Variants in FGF12 observed in about 807,000 individuals in gnomAD.
FGF12 encodes fibroblast growth factor 12.
Under a neutral mutation model 23.6 loss-of-function variants are expected in FGF12, and 14 were observed. The observed-to-expected ratio is 0.59, with a 90% CI of 0.39 to 0.93. The LOEUF (loss-of-function observed/expected upper bound fraction) is 0.93. Among genes scored for constraint, FGF12 ranks in the 40% least tolerant of loss-of-function variants. The pLI, the probability that FGF12 is intolerant of heterozygous loss-of-function variation, is 0.00. For synonymous variants in FGF12, 62 were observed against 77.3 expected, an observed-to-expected ratio of 0.80 and a Z score of 1.04; for missense variants, 175 against 217.8, an observed-to-expected ratio of 0.80 and a Z score of 1.24.
intron 2 of FGF12, among the ~76,000 whole-genome samples, chr3:192,425,791 T>C (rs906794831): frequency 1.1e-4 from 17 of 152,242 alleles, no homozygotes; most frequent in African/African-American, 4.1e-4. Flanking sequence ...AGTCATGTAC[T>C]ATTGTAGCTT....
chr3:192,408,083 C>T lies in FGF12; in HGVS notation c.14-47545G>A. On this transcript the variant is annotated intron_variant, in intron 2 of 5. Coordinates refer to ENST00000445105, the MANE Select transcript of FGF12 (RefSeq NM_004113.6). This position sits in a 1 kb window ranked among gnomAD's most constrained non-coding sequence, Gnocchi z 7.3. ...TGCAGAAGCGCACTTTGCTGAACAC[C>T]CCGAGGACGTGCCTCTCGCACAGGG... The T allele has an allele frequency of 3.7e-6, 6 of 1,613,200 alleles. No homozygotes were observed. The highest frequency in any genetic ancestry group is 5.1e-6 in the Non-Finnish European group (6 of 1,180,020).
chr3:192,297,249 T>C (rs1351505625), intron 4 of FGF12, among the ~76,000 whole-genome samples: 2 of 152,198 alleles, frequency 1.3e-5, no homozygotes, highest in South Asian at 4.1e-4. Flanking sequence ...GGAAATATGC[T>C]ATGAAGCAAA....
chr3:192,455,558 G>T (rs1722655768), intron 2 of FGF12, among the ~76,000 whole-genome samples: 1 of 152,138 alleles, frequency 6.6e-6, no homozygotes, highest in Non-Finnish European at 1.5e-5. Context: ...ACAGTTTATT[G>T]TGTTTATGGG....
At chr3:192,480,073 C>T (rs1481520439) in intron 2 of FGF12, among the ~76,000 whole-genome samples, 2 of 152,034 alleles carry the variant, frequency 1.3e-5, no homozygotes, top group African/African-American at 4.8e-5. Flanking sequence ...GACATCAGTG[C>T]TCTGGGAATA....
At chr3:192,324,636 A>T (rs1484312395) in intron 4 of FGF12, among the ~76,000 whole-genome samples, 2 of 152,238 alleles carry the variant, frequency 1.3e-5, no homozygotes, top group African/African-American at 2.4e-5. Context: ...GAAGTAAGTT[A>T]CAGGGCTATG....
intron 2 of FGF12, among the ~76,000 whole-genome samples, chr3:192,562,921 G>A (rs1712110750): frequency 6.6e-6 from 1 of 152,034 alleles, no homozygotes; most frequent in African/African-American, 2.4e-5. Flanking sequence ...CATTCACACG[G>A]ATTTCCCATA....
intron 4 of FGF12, chr3:192,238,408 G>A (rs1298195095): frequency 6.6e-6 from 1 of 152,372 alleles, no homozygotes; most frequent in African/African-American, 2.4e-5. Context: ...ACAGGGGGAG[G>A]ATGCAAGCAG....
intron 2 of FGF12, among the ~76,000 whole-genome samples, chr3:192,510,017 C>A (rs114956407): frequency 6.6e-6 from 1 of 152,086 alleles, no homozygotes; most frequent in Non-Finnish European, 1.5e-5. Context: ...GGTCATACGG[C>A]GGGGCTCTTC....
At chr3:192,253,001 C>A (rs1712140023) in intron 4 of FGF12, among the ~76,000 whole-genome samples, 1 of 152,014 alleles carries the variant, frequency 6.6e-6, no homozygotes, top group Non-Finnish European at 1.5e-5. Flanking sequence ...AAATGCATAT[C>A]CTTGAAAATG....
intron 2 of FGF12, among the ~76,000 whole-genome samples, chr3:192,643,328 A>G (rs1715875554): frequency 6.6e-6 from 1 of 152,240 alleles, no homozygotes; most frequent in South Asian, 2.1e-4. Context: ...ATGAACTATT[A>G]CAGATCATCT....
At chr3:192,185,857 TAA>T (rs560247896) in intron 4 of FGF12, among the ~76,000 whole-genome samples, 17 of 132,250 alleles carry the variant, frequency 1.3e-4, no homozygotes, top group Non-Finnish European at 1.1e-4. Context: ...AGGCTCCGTC[TAA>T]AAAAAAAAAA....
intron 3 of FGF12, among the ~76,000 whole-genome samples, chr3:192,356,921 A>G (rs1487139776): frequency 6.6e-6 from 1 of 152,254 alleles, no homozygotes; most frequent in East Asian, 1.9e-4. Flanking sequence ...GACAAAGTAT[A>G]TGTAAAATTA....
In FGF12 at chr3:192,199,407, C is replaced by T. The variant is rs560378926; in HGVS notation, c.229-28751G>A. On this transcript the variant is annotated intron_variant, in intron 4 of 5. Coordinates refer to ENST00000445105, the MANE Select transcript of FGF12 (RefSeq NM_004113.6). ...ATAACAGTTCAGATCAGATGTCCTC[C>T]GTATTTGAGATTTCTTACTTTCTTG... Among the ~76,000 whole-genome samples, 7 of 152,250 alleles carry T rather than the reference C, an allele frequency of 4.6e-5. No individual in the cohort carries two copies. The East Asian group carries it at 5.8e-4, about 13-fold the overall frequency.
intron 2 of FGF12, among the ~76,000 whole-genome samples, chr3:192,657,817 T>C (rs1319514585): frequency 6.6e-6 from 1 of 152,240 alleles, no homozygotes; most frequent in Non-Finnish European, 1.5e-5. Flanking sequence ...ACAATAATTT[T>C]AGTTTTCAAA....
intron 4 of FGF12, among the ~76,000 whole-genome samples, chr3:192,247,488 G>C (rs1392220093): frequency 6.6e-6 from 1 of 152,046 alleles, no homozygotes; most frequent in Non-Finnish European, 1.5e-5. Flanking sequence ...ATGATTTAAA[G>C]GTCAGCCAAC....
chr3:192,565,215 C>T (rs1327545659), intron 2 of FGF12, among the ~76,000 whole-genome samples: 1 of 152,164 alleles, frequency 6.6e-6, no homozygotes, highest in Non-Finnish European at 1.5e-5. Context: ...TGATCCTTCA[C>T]CTATATGTTT....
intron 2 of FGF12, among the ~76,000 whole-genome samples, chr3:192,526,316 A>G (rs1003640651): frequency 6.6e-6 from 1 of 152,184 alleles, no homozygotes; most frequent in African/African-American, 2.4e-5. Flanking sequence ...AAGCCAAAGT[A>G]CTTCTTGAAA....
chr3:192,451,742 T>C (rs1347216685), intron 2 of FGF12, among the ~76,000 whole-genome samples: 1 of 152,226 alleles, frequency 6.6e-6, no homozygotes, highest in Non-Finnish European at 1.5e-5. Context: ...TATGTAGTAA[T>C]GCATAGCTGT....
At chr3:192,214,649 A>G (rs1718098233) in intron 4 of FGF12, among the ~76,000 whole-genome samples, 1 of 152,234 alleles carries the variant, frequency 6.6e-6, no homozygotes, top group Non-Finnish European at 1.5e-5. Flanking sequence ...AGCAGAAATA[A>G]GCATGGAGAA....
Sources: allele counts gnomAD v4.1 joint callset (sites outside exome capture counted in the v4.1 genomes callset), GRCh38; gene constraint gnomAD v4.1.1; non-coding constraint Gnocchi (gnomAD v3.1); transcripts MANE v1.5; gene names NCBI Gene and HGNC (gene_info 2026-07-23, HGNC 2026-07-21).